SYT1: variants seen among roughly 807,000 people sequenced by gnomAD.
The protein encoded by SYT1 is synaptotagmin-1.
SYT1 carries 8 observed loss-of-function variants against 44.8 expected under a neutral mutation model. The observed-to-expected ratio is 0.18, with a 90% CI of 0.10 to 0.32. The LOEUF (loss-of-function observed/expected upper bound fraction) is 0.32, where lower values mean the gene tolerates loss of function less well. Among genes scored for constraint, SYT1 ranks in the 10% least tolerant of loss-of-function variants. SYT1 has a pLI of 1.00. For synonymous variants in SYT1, 154 were observed against 188.8 expected (o/e 0.82, Z 1.51); for missense variants, 286 against 509.3 (o/e 0.56, Z 4.22).
chr12:79,042,376 T>G (rs1356238935), intron 2 of SYT1, among the ~76,000 whole-genome samples: 5 of 149,636 alleles, frequency 3.3e-5, no homozygotes, highest in African/African-American at 9.7e-5. Flanking sequence ...GTCGAGGAAT[T>G]TATCCATTTC....
chr12:79,339,868 A>C (rs1477769070), intron 8 of SYT1, among the ~76,000 whole-genome samples: 2 of 152,216 alleles, frequency 1.3e-5, no homozygotes, highest in Non-Finnish European at 2.9e-5. Flanking sequence ...GAAGGGATCC[A>C]GTTTCAGCTT....
chr12:79,278,619 ACAAACCAAACC>A (rs1878870806), intron 4 of SYT1, among the ~76,000 whole-genome samples: 1 of 152,038 alleles, frequency 6.6e-6, no homozygotes, highest in African/African-American at 2.4e-5. Context: ...AAAAACAAGA[ACAAACCAAACC>A]CAAACCTAGC....
chr12:79,430,464 T>G (rs993820866), intron 9 of SYT1, among the ~76,000 whole-genome samples: 2 of 152,236 alleles, frequency 1.3e-5, no homozygotes, highest in African/African-American at 4.8e-5. Flanking sequence ...GTTTTCTGTA[T>G]GCCTTCATTC....
chr12:79,130,967 C>T (rs574569002), intron 3 of SYT1, among the ~76,000 whole-genome samples: 19 of 152,178 alleles, frequency 1.2e-4, no homozygotes, highest in African/African-American at 3.9e-4. Context: ...GGGCATTGAA[C>T]AGGGATTTGG....
At chr12:78,976,770 A>G (rs1224582813) in intron 1 of SYT1, 1 of 152,132 alleles carries the variant, frequency 6.6e-6, no homozygotes, top group Non-Finnish European at 1.5e-5. Flanking sequence ...ACAAATGACA[A>G]ATTTTATAAA....
rs1874161995 is a variant in SYT1 at position 78,876,846 on chromosome 12, A to ATAATATATTATATG, written c.-217+11739_-217+11740insATATATTATATGTA. Among the ~76,000 whole-genome samples the ATAATATATTATATG allele has an allele frequency of 1.5e-3, 62 of 41,106 alleles. 3 individuals are homozygous for ATAATATATTATATG. Among genetic ancestry groups the ATAATATATTATATG allele is most frequent in the African/African-American group, 2.0e-3 (13 of 6,406 alleles). 27.0% of individuals were successfully genotyped at this position (41,106 alleles called of 152,430 possible). A position where few individuals can be genotyped will look rare whatever the true frequency, so the allele number is the denominator to read the frequency against. ...ATATTATATGTATTATATATAATAT[A>ATAATATATTATATG]TATTATATATAATATATATAATATA... On this transcript the variant is annotated intron_variant, in intron 1 of 10. Transcript: ENST00000261205.
chr12:79,311,024 T>C (rs1053204337), intron 8 of SYT1, among the ~76,000 whole-genome samples: 1 of 152,264 alleles, frequency 6.6e-6, no homozygotes, highest in African/African-American at 2.4e-5. Context: ...TCCTGCCTAA[T>C]GGCCCTGGCC....
At chr12:79,001,020 G>A (rs1017858932) in intron 2 of SYT1, among the ~76,000 whole-genome samples, 2 of 152,096 alleles carry the variant, frequency 1.3e-5, no homozygotes, top group Non-Finnish European at 2.9e-5. Context: ...AATTCTGAAA[G>A]TTTACGTTTC....
intron 1 of SYT1, chr12:78,977,556 T>C (rs1247076255): frequency 6.6e-6 from 1 of 152,216 alleles, no homozygotes; most frequent in East Asian, 1.9e-4. Flanking sequence ...AAAAAGTTGC[T>C]CTTTTGAAAT....
At chr12:79,035,124 G>A (rs562704983) in intron 2 of SYT1, among the ~76,000 whole-genome samples, 3 of 151,706 alleles carry the variant, frequency 2.0e-5, no homozygotes, top group South Asian at 2.1e-4. Flanking sequence ...AAGATGAGCC[G>A]CTAGTCAGCT....
chr12:79,028,955 G>T (rs1215389452), intron 2 of SYT1, among the ~76,000 whole-genome samples: 1 of 151,118 alleles, frequency 6.6e-6, no homozygotes, highest in African/African-American at 2.4e-5. Context: ...TATTCTAAGA[G>T]CATTATTTCA....
Position 78,926,198 on chromosome 12 carries a change from G to A in SYT1, c.-216-51601G>A, listed in dbSNP as rs576009715. Among the ~76,000 whole-genome samples the A allele has an allele frequency of 1.6e-3, 238 of 152,120 alleles. 1 individual carries two copies. The highest frequency in any genetic ancestry group is 2.4e-3 in the Non-Finnish European group (164 of 67,940). ...TGCTTAACTAATTCTGGAAGATAAG[G>A]TTTCTAGATTAAGTCATGCTCTGCA... On this transcript the variant is annotated intron_variant, in intron 1 of 10. Transcript: ENST00000261205.
At chr12:79,334,717 A>G (rs746712541) in intron 8 of SYT1, among the ~76,000 whole-genome samples, 31 of 152,100 alleles carry the variant, frequency 2.0e-4, no homozygotes, top group Admixed American at 3.3e-4. Context: ...TTCTTTGATA[A>G]TACTTTCATC....
At chr12:79,423,047 T>G (rs1405730304) in intron 9 of SYT1, among the ~76,000 whole-genome samples, 2 of 152,100 alleles carry the variant, frequency 1.3e-5, no homozygotes, top group Non-Finnish European at 2.9e-5. Context: ...ATCTGAAGAC[T>G]ATAGTGAGGT....
chr12:79,012,407 T>C (rs1177069306), intron 2 of SYT1, among the ~76,000 whole-genome samples: 1 of 152,184 alleles, frequency 6.6e-6, no homozygotes, highest in Non-Finnish European at 1.5e-5. Context: ...ACCTGGATGA[T>C]ATCTTACTTT....
chr12:79,120,048 C>T (rs1036355998), intron 3 of SYT1, among the ~76,000 whole-genome samples: 1 of 152,112 alleles, frequency 6.6e-6, no homozygotes, highest in Non-Finnish European at 1.5e-5. Flanking sequence ...GAAGGCCTCC[C>T]AGAAGCAAGG....
At chr12:79,081,383 CTT>C (rs375161906) in intron 3 of SYT1, among the ~76,000 whole-genome samples, 3,475 of 141,256 alleles carry the variant, frequency 0.025, 66 homozygotes, top group Middle Eastern at 0.072. Context: ...CACAAATTCA[CTT>C]TTTTTTTTTT....
chr12:78,904,036 A>G (rs1459837051), intron 1 of SYT1, among the ~76,000 whole-genome samples: 1 of 152,012 alleles, frequency 6.6e-6, no homozygotes, highest in East Asian at 1.9e-4. Context: ...ATTCAGTAAG[A>G]AAAATAATAA....
At chr12:79,337,572 T>A (rs576759718) in intron 8 of SYT1, among the ~76,000 whole-genome samples, 1 of 152,206 alleles carries the variant, frequency 6.6e-6, no homozygotes, top group South Asian at 2.1e-4. Context: ...TGAGTATCAT[T>A]AGTAAAAAGG....
Sources: allele counts gnomAD v4.1 joint callset (sites outside exome capture counted in the v4.1 genomes callset), GRCh38; gene constraint gnomAD v4.1.1; transcripts MANE v1.5; gene names NCBI Gene and HGNC (gene_info 2026-07-23, HGNC 2026-07-21).